CALD1: variants seen among roughly 807,000 people sequenced by gnomAD.
CALD1 encodes caldesmon.
A neutral mutation model predicts 99.9 loss-of-function variants in CALD1; 33 were observed. The ratio of observed to expected loss-of-function variants is 0.33; its 90% CI spans 0.25 to 0.44. The LOEUF (loss-of-function observed/expected upper bound fraction) is 0.44, where lower values mean the gene tolerates loss of function less well. Ranked by LOEUF, CALD1 falls within the 20% of genes least tolerant of loss-of-function variation. The pLI is 1.00. For missense variants in CALD1, 861 were observed against 962.1 expected, an observed-to-expected ratio of 0.89 and a Z score of 1.39; for synonymous variants, 310 against 325.0, an observed-to-expected ratio of 0.95 and a Z score of 0.50.
chr7:134,954,801 T>C (rs982447634), intron 9 of CALD1, among the ~76,000 whole-genome samples: 5 of 152,236 alleles, frequency 3.3e-5, no homozygotes, highest in Admixed American at 2.0e-4. Flanking sequence ...GCGTGCCTTG[T>C]GGCTCTCCAA....
At chr7:134,872,339 C>T (rs10243739) in intron 3 of CALD1, among the ~76,000 whole-genome samples, 31,928 of 132,878 alleles carry the variant, frequency 0.24, 4,640 homozygotes, top group African/African-American at 0.46. Flanking sequence ...GCCTAAGTGA[C>T]GGAGTGAGAC....
intron 3 of CALD1, among the ~76,000 whole-genome samples, chr7:134,910,426 C>CT (rs1203106938): frequency 6.6e-6 from 1 of 152,154 alleles, no homozygotes; most frequent in Non-Finnish European, 1.5e-5. Context: ...GTACTGAGTT[C>CT]TTTTTGCTTC....
chr7:134,819,136 G>A (rs1423520572), intron 1 of CALD1, among the ~76,000 whole-genome samples: 1 of 152,160 alleles, frequency 6.6e-6, no homozygotes, highest in African/African-American at 2.4e-5. Context: ...ACCGTCGTGA[G>A]GCCCAGGAGC....
At chr7:134,721,873 G>A in the CALD1 span, among the ~76,000 whole-genome samples, 1 of 152,158 alleles carries the variant, frequency 6.6e-6, no homozygotes, top group East Asian at 1.9e-4. Flanking sequence ...TGATAGTAGT[G>A]GGGTAGCTCG....
At chr7:134,785,853 TTG>T (rs1391707782) in intron 1 of CALD1, among the ~76,000 whole-genome samples, 3 of 152,196 alleles carry the variant, frequency 2.0e-5, no homozygotes, top group Admixed American at 6.5e-5. Flanking sequence ...GAGAAGGCAT[TTG>T]TGTTTCTCAA....
At chr7:134,884,157 G>A (rs1586195728) in intron 3 of CALD1, among the ~76,000 whole-genome samples, 1 of 151,880 alleles carries the variant, frequency 6.6e-6, no homozygotes, top group African/African-American at 2.4e-5. Context: ...TGTCTGCCAA[G>A]TTCAAGACCT....
intron 1 of CALD1, among the ~76,000 whole-genome samples, chr7:134,774,467 C>G (rs1796901727): frequency 6.6e-6 from 1 of 152,184 alleles, no homozygotes; most frequent in Admixed American, 6.5e-5. Context: ...TTCACTGCTT[C>G]ACCTGGTTCC....
chr7:134,856,332 A>G (rs1464338686), intron 2 of CALD1, among the ~76,000 whole-genome samples: 1 of 152,178 alleles, frequency 6.6e-6, no homozygotes, highest in Non-Finnish European at 1.5e-5. Context: ...TGGGGCTCCT[A>G]AGAGAGATGG....
At chr7:134,937,636 CAAA>C (rs564323364) in intron 6 of CALD1, among the ~76,000 whole-genome samples, 7 of 97,338 alleles carry the variant, frequency 7.2e-5, no homozygotes, top group Non-Finnish European at 1.3e-4. Context: ...CCTTTTTGTA[CAAA>C]AAAAAAAAAA....
At chr7:134,845,052 T>G (rs1361592345) in intron 2 of CALD1, among the ~76,000 whole-genome samples, 1 of 152,184 alleles carries the variant, frequency 6.6e-6, no homozygotes, top group Non-Finnish European at 1.5e-5. Flanking sequence ...TATGCTGACT[T>G]TTTGTTTATT....
At chr7:134,867,641 G>A in intron 2 of CALD1, 52 bp from the exon 3 acceptor site, 1 of 637,738 alleles carries the variant, frequency 1.6e-6, no homozygotes, top group South Asian at 2.3e-5. Flanking sequence ...TAACTCAGGA[G>A]AAGTAACACA....
At chr7:134,775,917 G>T (rs1796915318), upstream of CALD1, among the ~76,000 whole-genome samples, 1 of 151,986 alleles carries the variant, frequency 6.6e-6, no homozygotes, top group Non-Finnish European at 1.5e-5. Context: ...TTGTTATTAT[G>T]AATAGCATCT....
At chr7:134,766,915 C>A (rs888863081) in intron 1 of CALD1, among the ~76,000 whole-genome samples, 1 of 152,052 alleles carries the variant, frequency 6.6e-6, no homozygotes, top group East Asian at 1.9e-4. Flanking sequence ...TGGGGAGGGG[C>A]TGCTTCATAA....
At chr7:134,865,222 A>T (rs1309283696) in intron 2 of CALD1, among the ~76,000 whole-genome samples, 1 of 152,132 alleles carries the variant, frequency 6.6e-6, no homozygotes, top group Non-Finnish European at 1.5e-5. Flanking sequence ...CTTACAAAGG[A>T]AAGATGCTAG....
chr7:134,731,032 CT>C, the CALD1 span, among the ~76,000 whole-genome samples: 1 of 152,118 alleles, frequency 6.6e-6, no homozygotes, highest in Non-Finnish European at 1.5e-5. Flanking sequence ...AACAGCACAC[CT>C]CACCCATGTT....
chr7:134,729,222 G>T, the CALD1 span, among the ~76,000 whole-genome samples: 75 of 152,264 alleles, frequency 4.9e-4, 2 homozygotes, highest in South Asian at 8.3e-3. Context: ...TGGCACTACA[G>T]AGTGCTTCCT....
intron 13 of CALD1, chr7:134,963,043 C>A: frequency 2.6e-6 from 1 of 382,218 alleles, no homozygotes; most frequent in African/African-American, 2.1e-5. Flanking sequence ...TTGAAAGATT[C>A]ATCGGCAGGA....
chr7:134,732,303 C>T, the CALD1 span, among the ~76,000 whole-genome samples: 1 of 152,188 alleles, frequency 6.6e-6, no homozygotes, highest in African/African-American at 2.4e-5. Context: ...CTAAAGCTTA[C>T]ACAATGTATT....
At chr7:134,899,168 C>T (rs1365061382) in intron 3 of CALD1, among the ~76,000 whole-genome samples, 1 of 151,908 alleles carries the variant, frequency 6.6e-6, no homozygotes, top group East Asian at 1.9e-4. Context: ...TCACACATCT[C>T]ACACAGACAT....
Sources: allele counts gnomAD v4.1 joint callset (sites outside exome capture counted in the v4.1 genomes callset), GRCh38; gene constraint gnomAD v4.1.1; transcripts MANE v1.5; gene names NCBI Gene and HGNC (gene_info 2026-07-23, HGNC 2026-07-21).